Variants in RGPD3 observed in about 807,000 individuals in gnomAD.
RGPD3 encodes the protein ranBP2-like and GRIP domain-containing protein 3.
In RGPD3, 62 loss-of-function variants were observed where a neutral mutation model predicts 154.5. The ratio of observed to expected loss-of-function variants is 0.40; its 90% CI spans 0.33 to 0.50. The LOEUF (loss-of-function observed/expected upper bound fraction) is 0.50. Among genes scored for constraint, RGPD3 ranks in the 20% least tolerant of loss-of-function variants. The pLI is 0.59. For missense variants in RGPD3, 919 were observed against 1,716.8 expected, an observed-to-expected ratio of 0.54 and a Z score of 8.21; for synonymous variants, 308 against 607.0, an observed-to-expected ratio of 0.51 and a Z score of 7.24.
chr2:106,436,566 A>G lies in RGPD3; in HGVS notation c.1482T>C (p.Tyr494=), dbSNP rs1677564754. The stretch of plus-strand genomic sequence containing the variant: ...TCTCCTTTAATTGTAAGTGGCTGGT[A>G]TATACTACTCCAAGGAGAAATACCT... The part of the protein sequence containing the change: ...DLEVFLLGVV[Y]TSHLQLKEKC... The change falls in exon 11 of 23, where the codon TAT becomes TAC. Residue 494 remains tyrosine, a synonymous_variant. Transcript: ENST00000409886. The G allele has an allele frequency of 1.2e-6, 2 of 1,611,838 alleles. No homozygotes were observed. The highest frequency in any genetic ancestry group is 1.7e-6 in the Non-Finnish European group (2 of 1,179,832).
rs376587636 is a variant in RGPD3, at chr2:106,468,230, G to A, written c.59C>T (p.Pro20Leu). The change falls in exon 1 of 23, where the codon CCG becomes CTG. Residue 20 changes from proline (P) to leucine (L), a missense_variant. Transcript: ENST00000409886. ...AGACCCACTCACCTTTCGAGGCGACGGGGCGGAGCCCTGCACCGAGGCGAC... is the reference window on the plus strand; with the variant it reads ...AGACCCACTCACCTTTCGAGGCGACAGGGCGGAGCCCTGCACCGAGGCGAC... ...RYVASVQGSA[P>L]SPRKKSTRGF... 3.2e-5 allele frequency: 51 copies of A among 1,606,436 alleles called. No homozygotes were observed. In the East Asian group the frequency reaches 7.6e-4, roughly 24 times the overall value.
chr2:106,410,054 TGAGTA>T (rs909206828), intron 22 of RGPD3, among the ~76,000 whole-genome samples: 2 of 151,678 alleles, frequency 1.3e-5, no homozygotes, highest in East Asian at 3.9e-4. Context: ...TTTTGTATTC[TGAGTA>T]GAGAGGGGGT....
Position 106,423,703 on chromosome 2 carries a change from C to G in RGPD3, c.4264G>C (p.Gly1422Arg), listed in dbSNP as rs757120824. The change falls in exon 20 of 23, where the codon GGG (glycine) becomes CGG (arginine). Residue 1422 changes from glycine (G) to arginine (R), a missense_variant. Physicochemically the swap from Gly to Arg is moderately radical, Grantham distance 125 (BLOSUM62 -2). Coordinates refer to ENST00000409886, the MANE Select transcript of RGPD3 (RefSeq NM_001144013.2). ...GTCCACACCCATACTCTTTCTGTCC[C>G]TTTCATATTTTGCAAACTCATGTCT... Reference protein sequence around the residue: ...TPDMSLQNMKGTERVWVWTAC... With the variant: ...TPDMSLQNMKRTERVWVWTAC... 1.1e-5 allele frequency: 18 copies of G among 1,610,706 alleles called. No individual in the cohort carries two copies. Among genetic ancestry groups the G allele is most frequent in the Non-Finnish European group, 1.5e-5 (18 of 1,179,372 alleles).
At chr2:106,412,723 G>C (rs1573240291) in intron 22 of RGPD3, 1 of 467,872 alleles carries the variant, frequency 2.1e-6, no homozygotes, top group Non-Finnish European at 4.2e-6. Context: ...GGAAGGAAGA[G>C]GGGTGAAGTA....
At chr2:106,422,975 G>A in intron 20 of RGPD3, 68 bp downstream of exon 20, 1 of 1,595,350 alleles carries the variant, frequency 6.3e-7, no homozygotes, top group Admixed American at 1.7e-5. Flanking sequence ...ATCCCACAAA[G>A]AGTCTGCATC....
At chr2:106,464,074 G>T (rs1024833341) in intron 1 of RGPD3, among the ~76,000 whole-genome samples, 1 of 152,226 alleles carries the variant, frequency 6.6e-6, no homozygotes, top group Non-Finnish European at 1.5e-5. Flanking sequence ...GGCCCGGCGC[G>T]GTGGCTCACG....
intron 6 of RGPD3, among the ~76,000 whole-genome samples, chr2:106,451,482 A>G (rs1178998561): frequency 6.7e-6 from 1 of 149,676 alleles, no homozygotes; most frequent in East Asian, 2.0e-4. Context: ...ACAGGCATAC[A>G]ATCTCTGCTG....
rs2104435587 is a variant in RGPD3, at chr2:106,404,107, A to C, written c.*1112T>G. 6.6e-6 allele frequency among the ~76,000 whole-genome samples: 1 copy of C among 152,134 alleles called. No individual in the cohort carries two copies. Among genetic ancestry groups the C allele is most frequent in the African/African-American group, 2.4e-5 (1 of 41,392 alleles). ...TGTAGCACGGACCTCTAAGGTGTCT[A>C]AAATCCCTTCTGATGGAAAGCTTAT... On this transcript the variant is annotated 3_prime_UTR_variant, in exon 23 of 23. Coordinates refer to ENST00000409886, the MANE Select transcript of RGPD3 (RefSeq NM_001144013.2).
chr2:106,422,941 C>T, intron 20 of RGPD3, 102 bp downstream of exon 20: 3 of 1,599,084 alleles, frequency 1.9e-6, no homozygotes, highest in Non-Finnish European at 2.5e-6. Context: ...GTTCACAAAG[C>T]ATCGTTCATA....
intron 1 of RGPD3, among the ~76,000 whole-genome samples, chr2:106,462,524 C>G (rs1299400908): frequency 1.3e-5 from 2 of 151,318 alleles, no homozygotes; most frequent in African/African-American, 4.9e-5. Context: ...TTCACTTAAG[C>G]TGCCAAATAT....
intron 1 of RGPD3, among the ~76,000 whole-genome samples, chr2:106,461,736 G>A (rs1678410804): frequency 6.6e-6 from 1 of 151,730 alleles, no homozygotes; most frequent in Non-Finnish European, 1.5e-5. Flanking sequence ...TAAACAAGGA[G>A]GTGAGAGACT....
At chr2:106,446,610 C>G (rs1195687816) in intron 7 of RGPD3, among the ~76,000 whole-genome samples, 1 of 131,894 alleles carries the variant, frequency 7.6e-6, no homozygotes, top group African/African-American at 2.9e-5. Flanking sequence ...GCGCCAGGCG[C>G]AGTGCCTCGC....
intron 1 of RGPD3, among the ~76,000 whole-genome samples, chr2:106,466,200 C>G (rs1444410192): frequency 6.6e-6 from 1 of 152,150 alleles, no homozygotes; most frequent in Non-Finnish European, 1.5e-5. Flanking sequence ...GAGGAAGCGC[C>G]GGCGCCAACG....
intron 1 of RGPD3, among the ~76,000 whole-genome samples, chr2:106,466,117 A>C (rs1434750703): frequency 6.6e-6 from 1 of 151,826 alleles, no homozygotes; most frequent in Non-Finnish European, 1.5e-5. Flanking sequence ...CTACGGGGCC[A>C]GAAAGCCCGG....
rs1676732716 is a variant in RGPD3, at chr2:106,413,463, T to C, written c.5065-178A>G. Among the ~76,000 whole-genome samples the C allele has an allele frequency of 1.3e-5, 2 of 152,086 alleles. 1 individual carries two copies. Among genetic ancestry groups the C allele is most frequent in the East Asian group, 3.9e-4 (2 of 5,160 alleles). On this transcript the variant is annotated intron_variant, in intron 21 of 22. Transcript: ENST00000409886. ...GCATGTGAAGCATTTCAAAGGAGTTTATGACATCATCGTATAAAATCCATT... is the reference window on the plus strand; with the variant it reads ...GCATGTGAAGCATTTCAAAGGAGTTCATGACATCATCGTATAAAATCCATT...
intron 19 of RGPD3, 82 bp from the exon 20 acceptor site, chr2:106,425,348 A>G: frequency 6.3e-7 from 1 of 1,580,524 alleles, no homozygotes; most frequent in Non-Finnish European, 8.6e-7. Flanking sequence ...ATTCCTAAAC[A>G]ATTTATCAAA....
intron 6 of RGPD3, among the ~76,000 whole-genome samples, chr2:106,449,617 C>T (rs1196076913): frequency 1.3e-5 from 2 of 151,946 alleles, no homozygotes; most frequent in Non-Finnish European, 1.5e-5. Flanking sequence ...GTGGCTCAGA[C>T]CTGCAATCCC....
chr2:106,417,634 C>T (rs1031565089), intron 20 of RGPD3, among the ~76,000 whole-genome samples: 8 of 150,062 alleles, frequency 5.3e-5, no homozygotes, highest in South Asian at 2.1e-4. Context: ...TCTCCTTTCT[C>T]GAAGGTTCTT....
Position 106,424,678 on chromosome 2 carries a change from T to C in RGPD3, c.3289A>G (p.Arg1097Gly). Residue 1097 changes from arginine to glycine, a missense_variant, in exon 20 of 23, where the codon AGA (arginine) becomes GGA (glycine). Transcript: ENST00000409886. ...ACTTGTTCTCTTTGCATCAGCATTC[T>C]TACTTTGCCATTGACCTCGTTTTTG... is the stretch of plus-strand genomic sequence containing the variant. ...ILKNEVNGKV[R>G]MLMQREQVLK... 6.2e-7 allele frequency: 1 copy of C among 1,612,030 alleles called. No homozygotes were observed.
Sources: allele counts gnomAD v4.1 joint callset (sites outside exome capture counted in the v4.1 genomes callset), GRCh38; gene constraint gnomAD v4.1.1; transcripts MANE v1.5; gene names NCBI Gene and HGNC (gene_info 2026-07-23, HGNC 2026-07-21).